Variants in RAD51D observed in about 807,000 individuals in gnomAD.
RAD51D encodes DNA repair protein RAD51 homolog 4.
Under a neutral mutation model 44.1 loss-of-function variants are expected in RAD51D, and 38 were observed. The ratio of observed to expected loss-of-function variants is 0.86; its 90% CI spans 0.67 to 1.13. The LOEUF (loss-of-function observed/expected upper bound fraction) is 1.13, where lower values mean the gene tolerates loss of function less well. Ranked by LOEUF, RAD51D falls within the 50% of genes most tolerant of loss-of-function variation. The pLI, the probability that RAD51D is intolerant of heterozygous loss-of-function variation, is 0.00. For synonymous variants in RAD51D, 141 were observed against 166.6 expected (o/e 0.85, Z 1.18); for missense variants, 390 against 414.0 (o/e 0.94, Z 0.50).
At position 35,103,446 on chromosome 17, in the gene RAD51D, T is replaced by A. The variant is rs941079937; in HGVS notation, c.667+8A>T. The A allele has an allele frequency of 6.2e-7, 1 of 1,613,724 alleles. No individual in the cohort carries two copies. The highest frequency in any genetic ancestry group is 8.5e-7 in the Non-Finnish European group (1 of 1,179,804). ...TCCACTGGCCCCAGGCTCTGCCACA[T>A]CACTCACCTTCCCTCTGCTGACCTC... On this transcript the variant is annotated splice_region_variant and intron_variant, in intron 7 of 9. Transcript: ENST00000345365. This position sits in a 1 kb window ranked among gnomAD's most constrained non-coding sequence, Gnocchi z 4.1.
In RAD51D at chr17:35,092,651, T is replaced by C. The variant is rs1327318629; in HGVS notation, c.*8302A>G. 1 of 152,166 alleles carries C rather than the reference T, an allele frequency of 6.6e-6. No individual in the cohort carries two copies. The highest frequency in any genetic ancestry group is 1.5e-5 in the Non-Finnish European group (1 of 68,028). 9.4% of individuals were successfully genotyped at this position (152,166 alleles called of 1,614,324 possible). ...TCCAAAATCCCAAATCACCATTCCA[T>C]TTCACCAGCACCCCTACCAACCTCT... On this transcript the variant is annotated 3_prime_UTR_variant, in exon 10 of 10. Transcript: ENST00000345365.
chr17:35,101,462 C>T, intron 8 of RAD51D, 97 bp from the exon 9 acceptor site: 1 of 1,364,704 alleles, frequency 7.3e-7, no homozygotes, highest in East Asian at 2.3e-5. Context: ...AGGCCTAGCA[C>T]AGAGAAATAA....
rs1342897062 is a variant in RAD51D, at chr17:35,097,432, T to C, written c.*3521A>G. 6.8e-6 allele frequency: 1 copy of C among 146,098 alleles called. No individual in the cohort carries two copies. Among genetic ancestry groups the C allele is most frequent in the Non-Finnish European group, 1.5e-5 (1 of 66,240 alleles). The allele number at this position is 146,098 out of a possible 1,614,324, so 9.1% of individuals were successfully genotyped here. A position where few individuals can be genotyped will look rare whatever the true frequency, so the allele number is the denominator to read the frequency against. On this transcript the variant is annotated 3_prime_UTR_variant, in exon 10 of 10. Coordinates refer to ENST00000345365, the MANE Select transcript of RAD51D (RefSeq NM_002878.4). ...TGCGCCTGGCTCATATGTGTATATA[T>C]ATGTGTGTATATATATGTGTGTATA...
intron 3 of RAD51D, among the ~76,000 whole-genome samples, chr17:35,109,173 T>C (rs893527251): frequency 2.0e-5 from 3 of 152,150 alleles, no homozygotes; most frequent in Non-Finnish European, 2.9e-5. Flanking sequence ...GGCCCTGCGA[T>C]TGGCTTTTTT....
chr17:35,109,014 C>T (rs951452066), intron 3 of RAD51D, among the ~76,000 whole-genome samples: 1 of 151,834 alleles, frequency 6.6e-6, no homozygotes, highest in Non-Finnish European at 1.5e-5. Flanking sequence ...TTACAGGCGC[C>T]CACCACCACA....
chr17:35,100,729 G>A lies in RAD51D; in HGVS notation c.*224C>T. On this transcript the variant is annotated 3_prime_UTR_variant, in exon 10 of 10. Transcript: ENST00000345365. ...CGTTAGAAATAAGGGAAGGAAACGT[G>A]GCACCAGTATGAATTTCTGGGTCCT... 1.5e-6 allele frequency: 1 copy of A among 667,714 alleles called. No homozygotes were observed. Among genetic ancestry groups the A allele is most frequent in the Non-Finnish European group, 2.7e-6 (1 of 365,140 alleles). The allele number at this position is 667,714 out of a possible 1,614,324, so 41.4% of individuals were successfully genotyped here. A position where few individuals can be genotyped will look rare whatever the true frequency, so the allele number is the denominator to read the frequency against.
intron 3 of RAD51D, among the ~76,000 whole-genome samples, chr17:35,111,899 T>A (rs1185293985): frequency 6.6e-6 from 1 of 152,204 alleles, no homozygotes; most frequent in Non-Finnish European, 1.5e-5. Flanking sequence ...TTATGTTCAG[T>A]CTCCCAATCC....
At chr17:35,102,327 G>A (rs1160318824) in intron 8 of RAD51D, among the ~76,000 whole-genome samples, 1 of 152,020 alleles carries the variant, frequency 6.6e-6, no homozygotes, top group East Asian at 1.9e-4. Context: ...TTTTTGTAGA[G>A]GTGGGGTTTT....
At position 35,119,581 on chromosome 17, in the gene RAD51D, G is replaced by A. The variant is rs760444811; in HGVS notation, c.33C>T (p.Gly11=). 6 of 1,612,596 alleles carry A rather than the reference G, an allele frequency of 3.7e-6. No homozygotes were observed. The highest frequency in any genetic ancestry group is 5.1e-6 in the Non-Finnish European group (6 of 1,179,954). Residue 11 remains glycine (G), a synonymous_variant, in exon 1 of 10, where the codon GGC becomes GGT. Coordinates refer to ENST00000345365, the MANE Select transcript of RAD51D (RefSeq NM_002878.4). MGVLRVGLCP[G]LTEEMIQLLR... ...GAAGCTGGATCATCTCCTCGGTAAG[G>A]CCAGGGCACAGTCCGACCCTGAGCA...
chr17:35,102,633 G>GAA (rs533728225), intron 8 of RAD51D, among the ~76,000 whole-genome samples: 7 of 144,542 alleles, frequency 4.8e-5, no homozygotes, highest in Non-Finnish European at 6.1e-5. Context: ...TATCTCAAAA[G>GAA]AAAAAAAAAA....
chr17:35,116,342 G>C lies in RAD51D; in HGVS notation c.263+2159C>G, dbSNP rs902133238. Among the ~76,000 whole-genome samples the C allele has an allele frequency of 2.0e-5, 3 of 152,234 alleles. No individual in the cohort carries two copies. In the South Asian group the frequency reaches 6.2e-4, roughly 32 times the overall value. ...TCCAGGGAGACAGCCGGGCAGATGA[G>C]TTAAGAGCCGCGTTCTTAGACTTAG... On this transcript the variant is annotated intron_variant, in intron 3 of 9. Transcript: ENST00000345365.
In RAD51D at chr17:35,107,126, G is replaced by C. The variant is rs767328693; in HGVS notation, c.346-4C>G. ...TTGCTGCCATACAGAGACATACCTG[G>C]GGGTGGGGGCATTGGATGAACTTGA... On this transcript the variant is annotated splice_region_variant and splice_polypyrimidine_tract_variant and intron_variant, in intron 4 of 9. Transcript: ENST00000345365. 9.9e-6 allele frequency: 16 copies of C among 1,613,996 alleles called. No individual in the cohort carries two copies. Among genetic ancestry groups the C allele is most frequent in the Non-Finnish European group, 1.2e-5 (14 of 1,180,014 alleles).
rs1011434555 is a variant in RAD51D at position 35,093,732 on chromosome 17, T to C, written c.*7221A>G. 19 of 152,196 alleles carry C rather than the reference T, an allele frequency of 1.2e-4. No individual in the cohort carries two copies. Among genetic ancestry groups the C allele is most frequent in the Non-Finnish European group, 2.9e-5 (2 of 68,028 alleles). The allele number at this position is 152,196 out of a possible 1,614,324, so 9.4% of individuals were successfully genotyped here. ...GATTGTTATTGTTGCTTCTATTCTG[T>C]GTAGTACTAAAAGTCAGTTTAGCCA... On this transcript the variant is annotated 3_prime_UTR_variant, in exon 10 of 10. Coordinates refer to ENST00000345365, the MANE Select transcript of RAD51D (RefSeq NM_002878.4).
At chr17:35,113,476 C>T (rs2091701619) in intron 3 of RAD51D, 6 of 305,410 alleles carry the variant, frequency 2.0e-5, no homozygotes, top group East Asian at 2.5e-4. Context: ...GCCATGTTGG[C>T]CAGGCTGGTC....
chr17:35,101,339 C>T lies in RAD51D; in HGVS notation c.765G>A (p.Arg255=), dbSNP rs751833940. The change falls in exon 9 of 10, where the codon AGG becomes AGA. Residue 255 remains arginine, a synonymous_variant. Coordinates refer to ENST00000345365, the MANE Select transcript of RAD51D (RefSeq NM_002878.4). ...VVVTNHITRD[R]DSGRLKPALG... ...GGGCAGGTTTGAGCCTCCCGCTGTC[C>T]CTGTCTCGAGTTATGTGGTTGGTCA... 8.2e-5 allele frequency: 132 copies of T among 1,613,868 alleles called. No homozygotes were observed. In the East Asian group the frequency reaches 2.9e-3, roughly 35 times the overall value.
rs1481130500 is a variant in RAD51D, at chr17:35,100,012, C to G, written c.*941G>C. The G allele has an allele frequency of 1.3e-5, 7 of 530,562 alleles. No individual in the cohort carries two copies. Among genetic ancestry groups the G allele is most frequent in the Non-Finnish European group, 2.2e-5 (6 of 273,968 alleles). 32.9% of individuals were successfully genotyped at this position (530,562 alleles called of 1,614,324 possible). A position where few individuals can be genotyped will look rare whatever the true frequency, so the allele number is the denominator to read the frequency against. ...ATTTCTGCATAAAGGACTAGATTTG[C>G]CATGTATTATTTACGTCAGCATCAA... On this transcript the variant is annotated 3_prime_UTR_variant, in exon 10 of 10. Coordinates refer to ENST00000345365, the MANE Select transcript of RAD51D (RefSeq NM_002878.4).
rs749922597 is a variant in RAD51D, at chr17:35,092,643, C to G, written c.*8310G>C. On this transcript the variant is annotated 3_prime_UTR_variant, in exon 10 of 10. Transcript: ENST00000345365. ...TTCCTGATTCCAAAATCCCAAATCACCATTCCATTTCACCAGCACCCCTAC... is the reference window on the plus strand; with the variant it reads ...TTCCTGATTCCAAAATCCCAAATCAGCATTCCATTTCACCAGCACCCCTAC... 2 of 152,164 alleles carry G rather than the reference C, an allele frequency of 1.3e-5. No homozygotes were observed. The highest frequency in any genetic ancestry group is 2.9e-5 in the Non-Finnish European group (2 of 68,030). 9.4% of individuals were successfully genotyped at this position (152,164 alleles called of 1,614,324 possible).
intron 6 of RAD51D, 22 bp downstream of exon 6, chr17:35,106,364 A>AT: frequency 6.2e-7 from 1 of 1,603,320 alleles, no homozygotes; most frequent in Non-Finnish European, 8.5e-7. Context: ...TTAAGCAAGG[A>AT]GGGGCAGAAC....
In RAD51D at chr17:35,115,740, C is replaced by T. The variant is rs995437283; in HGVS notation, c.263+2761G>A. On this transcript the variant is annotated intron_variant, in intron 3 of 9. Coordinates refer to ENST00000345365, the MANE Select transcript of RAD51D (RefSeq NM_002878.4). ...AAAAATTAGCTGGGCGTTGATGGCA[C>T]GCACCTGTAGTCCCAGCTACTCGGG... Among the ~76,000 whole-genome samples the T allele has an allele frequency of 8.2e-4, 124 of 151,808 alleles. 1 individual carries two copies. Among genetic ancestry groups the T allele is most frequent in the Admixed American group, 7.6e-3 (115 of 15,214 alleles).
Sources: allele counts gnomAD v4.1 joint callset (sites outside exome capture counted in the v4.1 genomes callset), GRCh38; gene constraint gnomAD v4.1.1; non-coding constraint Gnocchi (gnomAD v3.1); transcripts MANE v1.5; gene names NCBI Gene and HGNC (gene_info 2026-07-23, HGNC 2026-07-21).